TBC1D19: variants seen among roughly 807,000 people sequenced by gnomAD.
TBC1D19 encodes the protein TBC1 domain family, member 19.
A neutral mutation model predicts 89.0 loss-of-function variants in TBC1D19; 60 were observed. The ratio of observed to expected loss-of-function variants is 0.67; its 90% CI spans 0.55 to 0.84. The LOEUF is 0.84. TBC1D19 is among the 40% of genes least tolerant of loss of function. TBC1D19 has a pLI of 0.00. For synonymous variants in TBC1D19, 189 were observed against 199.7 expected (o/e 0.95, Z 0.45); for missense variants, 500 against 610.8 (o/e 0.82, Z 1.91).
chr4:26,840,391 T>G, the TBC1D19 span, among the ~76,000 whole-genome samples: 1 of 152,138 alleles, frequency 6.6e-6, no homozygotes, highest in African/African-American at 2.4e-5. Context: ...CTCTAATTTC[T>G]AACTATTGGC....
At chr4:26,635,139 T>C (rs1743045570) in intron 4 of TBC1D19, among the ~76,000 whole-genome samples, 1 of 152,144 alleles carries the variant, frequency 6.6e-6, no homozygotes, top group Non-Finnish European at 1.5e-5. Context: ...TTTTAATATG[T>C]ATGCAAATTT....
At chr4:26,776,046 A>T in the TBC1D19 span, among the ~76,000 whole-genome samples, 1 of 152,162 alleles carries the variant, frequency 6.6e-6, no homozygotes, top group Non-Finnish European at 1.5e-5. Context: ...GCCATCAGGT[A>T]TGACAAGATG....
the TBC1D19 span, among the ~76,000 whole-genome samples, chr4:26,839,579 C>T: frequency 6.6e-6 from 1 of 151,826 alleles, no homozygotes; most frequent in South Asian, 2.1e-4. Flanking sequence ...ATCACCCCCC[C>T]GCCCTTTCTG....
chr4:26,636,878 A>T (rs1489595365), intron 4 of TBC1D19, among the ~76,000 whole-genome samples: 4 of 152,166 alleles, frequency 2.6e-5, no homozygotes, highest in Non-Finnish European at 4.4e-5. Flanking sequence ...ACTTAAATTT[A>T]ACTTATCTTT....
chr4:26,727,442 A>T (rs1717388640), intron 15 of TBC1D19, among the ~76,000 whole-genome samples: 1 of 152,180 alleles, frequency 6.6e-6, no homozygotes, highest in Non-Finnish European at 1.5e-5. Flanking sequence ...ATACTGACAA[A>T]AAAAGATTTT....
chr4:26,716,664 C>A (rs1716634109), intron 13 of TBC1D19, among the ~76,000 whole-genome samples: 1 of 152,020 alleles, frequency 6.6e-6, no homozygotes, highest in African/African-American at 2.4e-5. Flanking sequence ...AAAGAAACTA[C>A]ATATAATCCT....
intron 8 of TBC1D19, among the ~76,000 whole-genome samples, chr4:26,660,152 G>A (rs893888387): frequency 8.5e-5 from 13 of 152,160 alleles, no homozygotes; most frequent in African/African-American, 2.9e-4. Context: ...GCTTTGCTCT[G>A]GAGACCGTAA....
chr4:26,756,751 T>C (rs1719275505), downstream of TBC1D19, among the ~76,000 whole-genome samples: 1 of 152,220 alleles, frequency 6.6e-6, no homozygotes, highest in Non-Finnish European at 1.5e-5. Context: ...AGATGATATA[T>C]GAAGAATGCA....
rs114220932 is a variant in TBC1D19 at position 26,741,785 on chromosome 4, G to C, written c.1228-723G>C. Among the ~76,000 whole-genome samples, 868 of 152,288 alleles carry C rather than the reference G, an allele frequency of 5.7e-3. 7 individuals are homozygous for C. The highest frequency in any genetic ancestry group is 0.02 in the African/African-American group (842 of 41,568). ...CTTCCTTACAAAGATAAACTCTGAG[G>C]AATGCTAAGCTGCAGGAAAGACTTT... On this transcript the variant is annotated intron_variant, in intron 17 of 20. Coordinates refer to ENST00000264866, the MANE Select transcript of TBC1D19 (RefSeq NM_018317.4).
At chr4:26,752,919 A>C (rs1719051450) in intron 19 of TBC1D19, among the ~76,000 whole-genome samples, 1 of 152,042 alleles carries the variant, frequency 6.6e-6, no homozygotes, top group Non-Finnish European at 1.5e-5. Flanking sequence ...TCAGCTTCCC[A>C]GTTAGCTGGG....
chr4:26,654,579 T>G (rs574131774), intron 7 of TBC1D19, among the ~76,000 whole-genome samples: 1 of 152,290 alleles, frequency 6.6e-6, no homozygotes, highest in African/African-American at 2.4e-5. Flanking sequence ...ACATTTCTTT[T>G]CATTCTTTTT....
chr4:26,853,125 G>A, the TBC1D19 span, among the ~76,000 whole-genome samples: 1 of 152,218 alleles, frequency 6.6e-6, no homozygotes, highest in Admixed American at 6.5e-5. Context: ...GGAAAAAGCT[G>A]TAAGAGCCCT....
chr4:26,800,748 G>A, the TBC1D19 span, among the ~76,000 whole-genome samples: 1 of 152,154 alleles, frequency 6.6e-6, no homozygotes, highest in African/African-American at 2.4e-5. Flanking sequence ...GCATTTCTCT[G>A]TTTGCCAGTG....
intron 13 of TBC1D19, among the ~76,000 whole-genome samples, chr4:26,709,086 G>C (rs1398450081): frequency 1.3e-5 from 2 of 151,776 alleles, no homozygotes; most frequent in African/African-American, 2.4e-5. Context: ...TCTAATAATG[G>C]GGAATCTCTG....
chr4:26,644,712 A>G (rs1743795588), intron 7 of TBC1D19, among the ~76,000 whole-genome samples: 1 of 152,254 alleles, frequency 6.6e-6, no homozygotes, highest in African/African-American at 2.4e-5. Context: ...CTGATAAGCA[A>G]CTTCAGCAAA....
chr4:26,607,473 TAA>T (rs1560413889), intron 1 of TBC1D19, among the ~76,000 whole-genome samples: 2 of 152,116 alleles, frequency 1.3e-5, no homozygotes, highest in Non-Finnish European at 2.9e-5. Context: ...TCCTACTAAA[TAA>T]AGAAGAAAAC....
At chr4:26,742,149 A>G (rs1435579936) in intron 17 of TBC1D19, among the ~76,000 whole-genome samples, 1 of 152,188 alleles carries the variant, frequency 6.6e-6, no homozygotes, top group Admixed American at 6.5e-5. Flanking sequence ...ATTCAGATAA[A>G]AACTAATTTT....
At chr4:26,831,810 C>G in the TBC1D19 span, among the ~76,000 whole-genome samples, 825 of 152,162 alleles carry the variant, frequency 5.4e-3, 6 homozygotes, top group African/African-American at 0.019. Context: ...CCAGAATAGT[C>G]TCAATCTCCT....
At chr4:26,848,526 C>A in the TBC1D19 span, among the ~76,000 whole-genome samples, 1 of 152,158 alleles carries the variant, frequency 6.6e-6, no homozygotes, top group African/African-American at 2.4e-5. Flanking sequence ...GTAGAACCAC[C>A]ATTTTCATAG....
Sources: allele counts gnomAD v4.1 joint callset (sites outside exome capture counted in the v4.1 genomes callset), GRCh38; gene constraint gnomAD v4.1.1; transcripts MANE v1.5; gene names NCBI Gene and HGNC (gene_info 2026-07-23, HGNC 2026-07-21).